Variants in ASB4 observed in about 807,000 individuals in gnomAD.
The protein encoded by ASB4 is ankyrin repeat and SOCS box protein 4.
Under a neutral mutation model 38.6 loss-of-function variants are expected in ASB4, and 35 were observed. That is an observed-to-expected ratio of 0.91 (90% CI 0.69 to 1.20). The LOEUF is 1.20. Ranked by LOEUF, ASB4 falls within the 50% of genes most tolerant of loss-of-function variation. ASB4 has a pLI of 0.00. For synonymous variants in ASB4, 195 were observed against 201.3 expected (o/e 0.97, Z 0.26); for missense variants, 557 against 527.2 (o/e 1.06, Z -0.55).
chr7:95,515,460 G>T (rs1790571385), intron 2 of ASB4, among the ~76,000 whole-genome samples: 1 of 136,416 alleles, frequency 7.3e-6, no homozygotes, highest in African/African-American at 2.8e-5. Context: ...TCTGTCGCTA[G>T]GTTGGAGTGC....
At chr7:95,520,555 C>T (rs1457934670) in intron 2 of ASB4, among the ~76,000 whole-genome samples, 5 of 152,134 alleles carry the variant, frequency 3.3e-5, no homozygotes, top group Non-Finnish European at 7.4e-5. Flanking sequence ...CCAATCCCTA[C>T]TTCTACACCT....
chr7:95,515,316 T>TCTTTCTTCCTTCCTTCCTTC lies in ASB4; in HGVS notation c.488-12494_488-12493insTCTTCCTTCCTTCCTTCCTT, dbSNP rs1420581416. 1.8e-3 allele frequency among the ~76,000 whole-genome samples: 173 copies of TCTTTCTTCCTTCCTTCCTTC among 95,788 alleles called. 2 individuals are homozygous for TCTTTCTTCCTTCCTTCCTTC. Among genetic ancestry groups the TCTTTCTTCCTTCCTTCCTTC allele is most frequent in the East Asian group, 4.7e-3 (15 of 3,214 alleles). The allele number at this position is 95,788 out of a possible 152,430, so 62.8% of individuals were successfully genotyped here. The stretch of plus-strand genomic sequence containing the variant: ...TTCTTTCTTTCTTTCTTTCTTTCTT[T>TCTTTCTTCCTTCCTTCCTTC]CTTCCTTCCTTCCTTCCTTTCTTTC... On this transcript the variant is annotated intron_variant, in intron 2 of 4. Coordinates refer to ENST00000325885, the MANE Select transcript of ASB4 (RefSeq NM_016116.3).
At chr7:95,536,138 G>A (rs1790886707) in intron 3 of ASB4, among the ~76,000 whole-genome samples, 1 of 152,208 alleles carries the variant, frequency 6.6e-6, no homozygotes, top group Non-Finnish European at 1.5e-5. Flanking sequence ...TGCCATGGTG[G>A]CAGTGTACTG....
intron 2 of ASB4, among the ~76,000 whole-genome samples, chr7:95,515,458 T>C (rs1790571315): frequency 6.7e-6 from 1 of 148,484 alleles, no homozygotes; most frequent in Non-Finnish European, 1.5e-5. Context: ...ATTCTGTCGC[T>C]AGGTTGGAGT....
At chr7:95,529,755 G>A (rs1476014145) in intron 3 of ASB4, among the ~76,000 whole-genome samples, 1 of 152,172 alleles carries the variant, frequency 6.6e-6, no homozygotes, top group Non-Finnish European at 1.5e-5. Context: ...ACTGTCCTGT[G>A]TTGAGCTCTA....
intron 1 of ASB4, among the ~76,000 whole-genome samples, chr7:95,491,834 A>T (rs931026941): frequency 1.3e-5 from 2 of 152,278 alleles, no homozygotes; most frequent in African/African-American, 4.8e-5. Flanking sequence ...TTTTAAAGTG[A>T]TGATTGTACG....
At chr7:95,501,645 C>T (rs1469053646) in intron 2 of ASB4, among the ~76,000 whole-genome samples, 1 of 152,210 alleles carries the variant, frequency 6.6e-6, no homozygotes, top group Non-Finnish European at 1.5e-5. Context: ...TAACTTTTTA[C>T]ATTGTGGCCT....
At chr7:95,500,227 G>GAAGA (rs998396836) in intron 2 of ASB4, among the ~76,000 whole-genome samples, 81 of 152,090 alleles carry the variant, frequency 5.3e-4, no homozygotes, top group African/African-American at 1.9e-3. Context: ...AAAAATGGGA[G>GAAGA]AAGAAACTTA....
chr7:95,480,975 T>C (rs1790017543), upstream of ASB4, among the ~76,000 whole-genome samples: 1 of 152,182 alleles, frequency 6.6e-6, no homozygotes, highest in Non-Finnish European at 1.5e-5. Flanking sequence ...AAAAAAACCA[T>C]ATAAAAATCC....
chr7:95,480,709 AG>A (rs1246811346), intron 1 of ASB4, among the ~76,000 whole-genome samples: 1 of 152,220 alleles, frequency 6.6e-6, no homozygotes, highest in Non-Finnish European at 1.5e-5. Context: ...CTTTAGTTTG[AG>A]GCCACAGACA....
At chr7:95,471,278 G>A in the ASB4 span, among the ~76,000 whole-genome samples, 11 of 152,264 alleles carry the variant, frequency 7.2e-5, no homozygotes, top group African/African-American at 2.6e-4. Flanking sequence ...AGTCAGGTTT[G>A]CTTCCCCAGA....
At chr7:95,550,465 G>A in the ASB4 span, among the ~76,000 whole-genome samples, 2 of 152,168 alleles carry the variant, frequency 1.3e-5, no homozygotes, top group Non-Finnish European at 2.9e-5. Context: ...ACTGTGTGGT[G>A]CTGAGTTATT....
At chr7:95,508,761 T>C (rs1035931385) in intron 2 of ASB4, among the ~76,000 whole-genome samples, 1 of 152,032 alleles carries the variant, frequency 6.6e-6, no homozygotes, top group African/African-American at 2.4e-5. Context: ...GTTATTAAAA[T>C]GATAAAATAT....
At chr7:95,526,710 T>C (rs1790741634) in intron 2 of ASB4, among the ~76,000 whole-genome samples, 1 of 152,348 alleles carries the variant, frequency 6.6e-6, no homozygotes, top group Admixed American at 6.5e-5. Flanking sequence ...CCAGAATGTT[T>C]CACATGGTTA....
Position 95,495,812 on chromosome 7 carries a change from T to C in ASB4, c.242T>C (p.Leu81Pro), listed in dbSNP as rs749844932. Reference sequence around the variant, plus strand: ...TCTTCCTGGGCCACAGGCCTCCATCTCTCTGTCTTGTTTGGCCATGTGGAA... The same window carrying C: ...TCTTCCTGGGCCACAGGCCTCCATCCCTCTGTCTTGTTTGGCCATGTGGAA... The part of the protein sequence containing the change: ...LKSSWATGLH[L>P]SVLFGHVECL... Residue 81 changes from leucine (L) to proline (P), a missense_variant, in exon 2 of 5, where the codon CTC becomes CCC. Leu to Pro is a moderately conservative substitution (Grantham distance 98). Coordinates refer to ENST00000325885, the MANE Select transcript of ASB4 (RefSeq NM_016116.3). 1 of 1,613,358 alleles carries C rather than the reference T, an allele frequency of 6.2e-7. No homozygotes were observed.
chr7:95,487,985 G>T (rs566849586), intron 1 of ASB4, among the ~76,000 whole-genome samples: 1 of 152,178 alleles, frequency 6.6e-6, no homozygotes, highest in Non-Finnish European at 1.5e-5. Context: ...TGTTTAATAC[G>T]CACATGGGCA....
chr7:95,530,561 G>C (rs574279890), intron 3 of ASB4, among the ~76,000 whole-genome samples: 1 of 152,140 alleles, frequency 6.6e-6, no homozygotes, highest in Admixed American at 6.6e-5. Flanking sequence ...CAGGTGCAAG[G>C]GTCCTGAGGT....
At chr7:95,533,357 C>CT (rs1315239151) in intron 3 of ASB4, among the ~76,000 whole-genome samples, 2 of 152,154 alleles carry the variant, frequency 1.3e-5, no homozygotes, top group Non-Finnish European at 2.9e-5. Flanking sequence ...GGGAAAATTA[C>CT]TTATTGGGCT....
At chr7:95,533,528 C>T (rs562697059) in intron 3 of ASB4, among the ~76,000 whole-genome samples, 1 of 152,302 alleles carries the variant, frequency 6.6e-6, no homozygotes, top group South Asian at 2.1e-4. Flanking sequence ...ATTCAATCTG[C>T]TGGTATTTAA....
Sources: gnomAD v4.1 joint callset for allele counts (sites outside exome capture counted in the v4.1 genomes callset) on GRCh38, gnomAD v4.1.1 for gene constraint, MANE v1.5 for transcripts, NCBI Gene and HGNC (gene_info 2026-07-23, HGNC 2026-07-21) for gene names.